The following ZBTB16 variants were observed in gnomAD, a reference collection of about 807,000 sequenced individuals.
ZBTB16 encodes zinc finger and BTB domain containing 16.
ZBTB16 carries 8 observed loss-of-function variants against 56.8 expected under a neutral mutation model. The ratio of observed to expected loss-of-function variants is 0.14; its 90% CI spans 0.08 to 0.25. The LOEUF is 0.25. Among genes scored for constraint, ZBTB16 ranks in the 10% least tolerant of loss-of-function variants. The probability of loss-of-function intolerance (pLI) is 1.00; values close to 1 mark genes in which losing one functional copy is unlikely to be tolerated. For missense variants in ZBTB16, 625 were observed against 903.0 expected, an observed-to-expected ratio of 0.69 and a Z score of 3.95; for synonymous variants, 363 against 368.5, an observed-to-expected ratio of 0.98 and a Z score of 0.17.
intron 3 of ZBTB16, among the ~76,000 whole-genome samples, chr11:114,185,393 C>A (rs1943338093): frequency 6.6e-6 from 1 of 152,126 alleles, no homozygotes; most frequent in Non-Finnish European, 1.5e-5. Flanking sequence ...GGCACAGAGA[C>A]TCTGGGAAGG....
At chr11:114,128,524 C>T (rs564934606) in intron 2 of ZBTB16, among the ~76,000 whole-genome samples, 21 of 152,216 alleles carry the variant, frequency 1.4e-4, no homozygotes, top group Admixed American at 3.9e-4. Flanking sequence ...TGCGAAATGG[C>T]GGGTAAAAAC....
chr11:114,224,010 G>C (rs748319074), intron 4 of ZBTB16, among the ~76,000 whole-genome samples: 1 of 152,152 alleles, frequency 6.6e-6, no homozygotes, highest in Non-Finnish European at 1.5e-5. Flanking sequence ...ATGGTGAAAG[G>C]CCCTTGAAAA....
chr11:114,220,288 G>T (rs1365015341), intron 4 of ZBTB16, among the ~76,000 whole-genome samples: 1 of 152,226 alleles, frequency 6.6e-6, no homozygotes, highest in Non-Finnish European at 1.5e-5. Context: ...ACATAGCCCA[G>T]GCCCCTGGCC....
intron 2 of ZBTB16, among the ~76,000 whole-genome samples, chr11:114,117,371 AC>A (rs745643702): frequency 6.6e-6 from 1 of 151,846 alleles, no homozygotes; most frequent in Non-Finnish European, 1.5e-5. Context: ...GACTTGGAGC[AC>A]CCCGAGCACA....
intron 2 of ZBTB16, among the ~76,000 whole-genome samples, chr11:114,113,157 G>C (rs1941074005): frequency 6.6e-6 from 1 of 152,172 alleles, no homozygotes; most frequent in Non-Finnish European, 1.5e-5. Flanking sequence ...ATCTTTCTTA[G>C]AGTGTCATGT....
rs886455919 is a variant in ZBTB16 at position 114,060,741 on chromosome 11, C to T, written c.-91+859C>T. On this transcript the variant is annotated intron_variant, in intron 1 of 6. Transcript: ENST00000335953. This position sits in a 1 kb window ranked among gnomAD's most constrained non-coding sequence, Gnocchi z 6.0. Reference sequence around the variant, plus strand: ...AACCACCCGGACGCACGGAGCGCTCCGCACCGACTCGCTCGCCGCCTCCCC... The same window carrying T: ...AACCACCCGGACGCACGGAGCGCTCTGCACCGACTCGCTCGCCGCCTCCCC... 2.6e-5 allele frequency among the ~76,000 whole-genome samples: 4 copies of T among 152,100 alleles called. No homozygotes were observed. Among genetic ancestry groups the T allele is most frequent in the African/African-American group, 4.8e-5 (2 of 41,450 alleles).
At chr11:114,233,056 C>T (rs1371912603) in intron 4 of ZBTB16, among the ~76,000 whole-genome samples, 4 of 113,938 alleles carry the variant, frequency 3.5e-5, no homozygotes, top group Admixed American at 1.2e-4. Flanking sequence ...CACTCTACTG[C>T]ACATACGCAT....
chr11:114,160,190 G>A (rs61108126), intron 3 of ZBTB16, among the ~76,000 whole-genome samples: 2 of 152,194 alleles, frequency 1.3e-5, no homozygotes, highest in Admixed American at 6.5e-5. Flanking sequence ...GCCTGGCTGC[G>A]AGCCAGACTT....
intron 2 of ZBTB16, among the ~76,000 whole-genome samples, chr11:114,107,706 A>T (rs925531426): frequency 6.6e-6 from 1 of 152,166 alleles, no homozygotes; most frequent in African/African-American, 2.4e-5. Flanking sequence ...TTGGGAGGAG[A>T]TGCATAATAT....
intron 4 of ZBTB16, among the ~76,000 whole-genome samples, chr11:114,226,151 C>A (rs1029046433): frequency 1.3e-5 from 2 of 152,068 alleles, no homozygotes; most frequent in South Asian, 4.2e-4. Context: ...AGAATTGGGA[C>A]TCAAGAAATT....
intron 3 of ZBTB16, among the ~76,000 whole-genome samples, chr11:114,183,392 G>A (rs1317623927): frequency 6.6e-6 from 1 of 152,204 alleles, no homozygotes; most frequent in Non-Finnish European, 1.5e-5. Flanking sequence ...GCACTTGTCT[G>A]ATGGTACACA....
chr11:114,071,094 C>T (rs755861410), intron 2 of ZBTB16, among the ~76,000 whole-genome samples: 4 of 152,076 alleles, frequency 2.6e-5, no homozygotes, highest in Admixed American at 6.5e-5. Flanking sequence ...TGGATTGTTG[C>T]GCTCTTTAAA....
rs921636932 is a variant in ZBTB16 at position 114,252,172 on chromosome 11, T to A, written c.*1617T>A. On this transcript the variant is annotated 3_prime_UTR_variant, in exon 7 of 7. Transcript: ENST00000335953. ...ATGGTCCCCAGAGGGCACTAGGGAG[T>A]CACTTTTGGCTCCGCTGGTGCATGA... is the stretch of plus-strand genomic sequence containing the variant. 2.0e-5 allele frequency among the ~76,000 whole-genome samples: 3 copies of A among 150,704 alleles called. No individual in the cohort carries two copies. Among genetic ancestry groups the A allele is most frequent in the African/African-American group, 7.3e-5 (3 of 40,834 alleles).
Position 114,253,937 on chromosome 11 carries a change from T to G in ZBTB16, c.*3382T>G, listed in dbSNP as rs1258391608. Among the ~76,000 whole-genome samples the G allele has an allele frequency of 6.6e-6, 1 of 152,124 alleles. No individual in the cohort carries two copies. Among genetic ancestry groups the G allele is most frequent in the African/African-American group, 2.4e-5 (1 of 41,422 alleles). On this transcript the variant is annotated 3_prime_UTR_variant, in exon 7 of 7. Coordinates refer to ENST00000335953, the MANE Select transcript of ZBTB16 (RefSeq NM_006006.6). ...GACTCCTTCGGCCCCCTGGCTGCCT[T>G]TAGCTGTGGTACTGCTGACAACCCT...
At chr11:114,230,711 T>G (rs1275642571) in intron 4 of ZBTB16, among the ~76,000 whole-genome samples, 1 of 152,170 alleles carries the variant, frequency 6.6e-6, no homozygotes, top group African/African-American at 2.4e-5. Context: ...TATTTTGTTT[T>G]GCTTATTTAT....
chr11:114,142,573 C>T (rs994068036), intron 2 of ZBTB16, among the ~76,000 whole-genome samples: 1 of 152,158 alleles, frequency 6.6e-6, no homozygotes, highest in African/African-American at 2.4e-5. Flanking sequence ...GCCTGTTGGA[C>T]AAAGGTGGGT....
chr11:114,075,320 G>C (rs992446388), intron 2 of ZBTB16, among the ~76,000 whole-genome samples: 4 of 152,108 alleles, frequency 2.6e-5, no homozygotes, highest in African/African-American at 9.7e-5. Context: ...GATTCATACT[G>C]GTGGTAGAGC....
chr11:114,210,162 A>T (rs1209834529), intron 4 of ZBTB16, among the ~76,000 whole-genome samples: 1 of 134,642 alleles, frequency 7.4e-6, no homozygotes, highest in African/African-American at 2.8e-5. Flanking sequence ...AGCCAAAGCT[A>T]GTGTGTGTGT....
Position 114,064,153 on chromosome 11 carries a change from C to G in ZBTB16, c.853C>G (p.Arg285Gly). ...RGKEGPGTPT[R>G]SSVITSAREL... ...CAAAGAGGGGCCTGGGACCCCGACT[C>G]GAAGCAGCGTCATCACCAGTGCTAG... The change falls in exon 2 of 7, where the codon CGA becomes GGA. Residue 285 changes from arginine to glycine, a missense_variant. Coordinates refer to ENST00000335953, the MANE Select transcript of ZBTB16 (RefSeq NM_006006.6). The surrounding 1 kb of genome is among the most constrained non-coding windows in gnomAD (Gnocchi z 4.2). 1 of 1,613,772 alleles carries G rather than the reference C, an allele frequency of 6.2e-7. No homozygotes were observed. The highest frequency in any genetic ancestry group is 8.5e-7 in the Non-Finnish European group (1 of 1,180,008).
Sources: allele counts gnomAD v4.1 joint callset (sites outside exome capture counted in the v4.1 genomes callset), GRCh38; gene constraint gnomAD v4.1.1; non-coding constraint Gnocchi (gnomAD v3.1); transcripts MANE v1.5; gene names NCBI Gene and HGNC (gene_info 2026-07-23, HGNC 2026-07-21).